The following BTD variants were observed in gnomAD, a reference collection of about 807,000 sequenced individuals.
BTD encodes the protein biotinidase.
BTD carries 13 observed loss-of-function variants against 17.7 expected under a neutral mutation model. The ratio of observed to expected loss-of-function variants is 0.74; its 90% CI spans 0.48 to 1.17. The LOEUF (loss-of-function observed/expected upper bound fraction) is 1.17, where lower values mean the gene tolerates loss of function less well. BTD is among the 50% of genes most tolerant of loss of function. The pLI, the probability that BTD is intolerant of heterozygous loss-of-function variation, is 0.00. For synonymous variants in BTD, 240 were observed against 245.2 expected, an observed-to-expected ratio of 0.98 and a Z score of 0.20; for missense variants, 674 against 650.4, an observed-to-expected ratio of 1.04 and a Z score of -0.39.
At chr3:15,719,949 C>A (rs1276481503) in intron 4 of BTD, among the ~76,000 whole-genome samples, 1 of 152,154 alleles carries the variant, frequency 6.6e-6, no homozygotes, top group Non-Finnish European at 1.5e-5. Flanking sequence ...CAGCTCACTG[C>A]AGCCTTGACC....
chr3:15,641,423 T>C (rs1357752132), intron 2 of BTD, among the ~76,000 whole-genome samples: 1 of 152,158 alleles, frequency 6.6e-6, no homozygotes, highest in Non-Finnish European at 1.5e-5. Context: ...GTAGGGGTGG[T>C]CCCGGCATCA....
chr3:15,614,322 C>T (rs1574981542), intron 1 of BTD, among the ~76,000 whole-genome samples: 2 of 151,910 alleles, frequency 1.3e-5, no homozygotes, highest in Non-Finnish European at 2.9e-5. Flanking sequence ...GATTATATTG[C>T]CCAGGCTGGT....
At chr3:15,717,690 C>T (rs1309353675), downstream of BTD, among the ~76,000 whole-genome samples, 8 of 152,032 alleles carry the variant, frequency 5.3e-5, no homozygotes, top group African/African-American at 1.9e-4. Context: ...CTTAGCTGAC[C>T]AAAATCTATT....
At chr3:15,676,254 T>C (rs2066922963) in intron 3 of BTD, 2 of 347,008 alleles carry the variant, frequency 5.8e-6, no homozygotes, top group Non-Finnish European at 1.0e-5. Context: ...AATCCTTTTG[T>C]TACTTTTCTT....
Position 15,648,195 on chromosome 3 carries a change from A to G in BTD, c.*2707A>G, listed in dbSNP as rs574684810. ...GGTGAGTCGGCCGCTCTTGATTCTCAATGAAACTCAGAACCGCTCAAGTGA... is the reference window on the plus strand; with the variant it reads ...GGTGAGTCGGCCGCTCTTGATTCTCGATGAAACTCAGAACCGCTCAAGTGA... On this transcript the variant is annotated 3_prime_UTR_variant, in exon 4 of 4. Coordinates refer to ENST00000643237, the MANE Select transcript of BTD (RefSeq NM_001370658.1). 6.6e-6 allele frequency among the ~76,000 whole-genome samples: 1 copy of G among 152,366 alleles called. No individual in the cohort carries two copies. The highest frequency in any genetic ancestry group is 6.5e-5 in the Admixed American group (1 of 15,310).
At chr3:15,656,955 T>C (rs1262436226), downstream of BTD, among the ~76,000 whole-genome samples, 2 of 152,210 alleles carry the variant, frequency 1.3e-5, no homozygotes, top group East Asian at 3.9e-4. Flanking sequence ...CACCTCTTTC[T>C]GGCCGGAGTG....
At chr3:15,716,467 T>C (rs1381591701), downstream of BTD, among the ~76,000 whole-genome samples, 1 of 151,884 alleles carries the variant, frequency 6.6e-6, no homozygotes, top group Non-Finnish European at 1.5e-5. Context: ...AATTTATTTT[T>C]TGTAGAGATG....
At chr3:15,714,010 G>C (rs1357397562), downstream of BTD, among the ~76,000 whole-genome samples, 2 of 152,040 alleles carry the variant, frequency 1.3e-5, no homozygotes, top group Non-Finnish European at 2.9e-5. Context: ...AAAAATATTG[G>C]ATCATGAACC....
At chr3:15,716,534 T>C (rs2073074567), downstream of BTD, among the ~76,000 whole-genome samples, 1 of 152,094 alleles carries the variant, frequency 6.6e-6, no homozygotes, top group African/African-American at 2.4e-5. Context: ...TTCTCCAGCC[T>C]TGGCTTCCCA....
At chr3:15,703,884 C>T (rs1247255765) in intron 3 of BTD, among the ~76,000 whole-genome samples, 2 of 152,114 alleles carry the variant, frequency 1.3e-5, no homozygotes, top group Non-Finnish European at 2.9e-5. Context: ...AGGACTTCAA[C>T]TTTGATTAAG....
intron 1 of BTD, among the ~76,000 whole-genome samples, chr3:15,609,056 G>A (rs1330222926): frequency 6.6e-6 from 1 of 152,144 alleles, no homozygotes; most frequent in Non-Finnish European, 1.5e-5. Flanking sequence ...CAGGGTTTGG[G>A]GGTTGAACTG....
intron 1 of BTD, chr3:15,629,952 T>C (rs1009291097): frequency 6.4e-6 from 4 of 620,280 alleles, no homozygotes; most frequent in Non-Finnish European, 8.1e-6. Context: ...AAACGGTTTA[T>C]ATTGCATGTA....
At chr3:15,666,226 A>G (rs933765676) in intron 3 of BTD, among the ~76,000 whole-genome samples, 5 of 152,230 alleles carry the variant, frequency 3.3e-5, no homozygotes, top group Non-Finnish European at 7.3e-5. Flanking sequence ...GGGAACTTAC[A>G]TAATTTAGTA....
At chr3:15,619,310 T>A (rs2064880554) in intron 1 of BTD, among the ~76,000 whole-genome samples, 1 of 152,228 alleles carries the variant, frequency 6.6e-6, no homozygotes, top group African/African-American at 2.4e-5. Flanking sequence ...TCTATTGATA[T>A]AATCATGTGA....
At chr3:15,634,619 T>G (rs1220726719) in intron 1 of BTD, among the ~76,000 whole-genome samples, 1 of 152,200 alleles carries the variant, frequency 6.6e-6, no homozygotes, top group Admixed American at 6.5e-5. Flanking sequence ...TGTAGTTTAT[T>G]TTCTAGAAAA....
At chr3:15,616,473 G>A (rs9858977) in intron 1 of BTD, among the ~76,000 whole-genome samples, 5,537 of 152,042 alleles carry the variant, frequency 0.036, 276 homozygotes, top group African/African-American at 0.11. Context: ...AAAATTAGCC[G>A]GTCGTGGTGG....
At chr3:15,697,236 G>A (rs193288965) in intron 3 of BTD, 39 of 152,820 alleles carry the variant, frequency 2.6e-4, no homozygotes, top group Middle Eastern at 1.3e-3. Context: ...GAGCTATGAG[G>A]AGACGCGAAG....
downstream of BTD, among the ~76,000 whole-genome samples, chr3:15,715,259 T>TTGA (rs2072866625): frequency 6.6e-6 from 1 of 152,186 alleles, no homozygotes; most frequent in African/African-American, 2.4e-5. Flanking sequence ...TTCTAAAATC[T>TTGA]TTCAGTTAAC....
intron 3 of BTD, among the ~76,000 whole-genome samples, chr3:15,701,647 A>AAAATAAAT (rs373322435): frequency 6.6e-6 from 1 of 152,136 alleles, no homozygotes. Flanking sequence ...TCCGTCTCAA[A>AAAATAAAT]AAATAAATAA....
Sources: allele counts gnomAD v4.1 joint callset (sites outside exome capture counted in the v4.1 genomes callset), GRCh38; gene constraint gnomAD v4.1.1; transcripts MANE v1.5; gene names NCBI Gene and HGNC (gene_info 2026-07-23, HGNC 2026-07-21).